The following ZNF718 variants were observed in gnomAD, a reference collection of about 807,000 sequenced individuals.
The protein encoded by ZNF718 is zinc finger protein 718.
In ZNF718, 3 loss-of-function variants were observed where a neutral mutation model predicts 2.6. That is an observed-to-expected ratio of 1.16 (90% CI 0.53 to 3.01). ZNF718 has a LOEUF of 3.01. Ranked by LOEUF, ZNF718 falls within the 30% of genes most tolerant of loss-of-function variation. The pLI, the probability that ZNF718 is intolerant of heterozygous loss-of-function variation, is 0.03. For missense variants in ZNF718, 468 were observed against 230.0 expected (o/e 2.03, Z -6.69); for synonymous variants, 135 against 77.9 (o/e 1.73, Z -3.86).
At chr4:127,321 C>T (rs1715264108) in intron 1 of ZNF718, among the ~76,000 whole-genome samples, 1 of 104,514 alleles carries the variant, frequency 9.6e-6, no homozygotes, top group African/African-American at 3.3e-5. Context: ...TTGGGATCTA[C>T]AGTCCCTTCT....
intron 3 of ZNF718, among the ~76,000 whole-genome samples, chr4:181,854 C>T (rs1717471682): frequency 6.6e-6 from 1 of 152,034 alleles, no homozygotes; most frequent in South Asian, 2.1e-4. Flanking sequence ...GTGTGTTTTT[C>T]CCCCCATGTG....
chr4:125,904 TCTCAACC>T (rs1265874113), intron 1 of ZNF718, among the ~76,000 whole-genome samples: 1 of 152,212 alleles, frequency 6.6e-6, no homozygotes, highest in African/African-American at 2.4e-5. Context: ...TCCTGGCTCA[TCTCAACC>T]CCAGATCTGT....
chr4:198,316 A>G (rs1192914133), intron 3 of ZNF718, among the ~76,000 whole-genome samples: 1 of 152,198 alleles, frequency 6.6e-6, no homozygotes, highest in Non-Finnish European at 1.5e-5. Context: ...ACACCCAGAC[A>G]GGCTCACAGG....
At chr4:153,558 G>GTTTTTCATTTC (rs1194651202) in intron 3 of ZNF718, among the ~76,000 whole-genome samples, 6 of 52,878 alleles carry the variant, frequency 1.1e-4, no homozygotes, top group African/African-American at 3.1e-4. Flanking sequence ...AAATCTTTCA[G>GTTTTTCATTTC]TTTTTCATAT....
intron 3 of ZNF718, among the ~76,000 whole-genome samples, chr4:145,994 A>C (rs1553811205): frequency 6.6e-6 from 1 of 151,676 alleles, no homozygotes; most frequent in African/African-American, 2.4e-5. Flanking sequence ...AATATACTGA[A>C]GCTATATGTG....
At chr4:140,694 TTC>T (rs1715774832) in intron 3 of ZNF718, among the ~76,000 whole-genome samples, 1 of 152,170 alleles carries the variant, frequency 6.6e-6, no homozygotes, top group South Asian at 2.1e-4. Context: ...ATGGCTAAGG[TTC>T]CAAGCTATTG....
intron 3 of ZNF718, among the ~76,000 whole-genome samples, chr4:176,725 C>A (rs1446396777): frequency 6.6e-6 from 1 of 152,164 alleles, no homozygotes; most frequent in East Asian, 1.9e-4. Flanking sequence ...GGTTTCAAGT[C>A]TTTTATTCCT....
At chr4:134,892 C>T (rs1353037322) in intron 3 of ZNF718, among the ~76,000 whole-genome samples, 1 of 151,968 alleles carries the variant, frequency 6.6e-6, no homozygotes, top group Non-Finnish European at 1.5e-5. Context: ...TTAAGATGAA[C>T]CTGGGCAACA....
At chr4:153,911 A>G (rs928375654) in intron 3 of ZNF718, among the ~76,000 whole-genome samples, 19 of 152,206 alleles carry the variant, frequency 1.2e-4, no homozygotes, top group African/African-American at 4.1e-4. Flanking sequence ...GTGTATGACA[A>G]TATTCAACTG....
chr4:186,398 C>T (rs113383603), intron 3 of ZNF718, among the ~76,000 whole-genome samples: 3,552 of 152,172 alleles, frequency 0.023, 70 homozygotes, highest in African/African-American at 0.06. Flanking sequence ...TGACCATTCT[C>T]TCTGGCTGCC....
chr4:141,146 A>G (rs1715793943), intron 3 of ZNF718, among the ~76,000 whole-genome samples: 2 of 151,596 alleles, frequency 1.3e-5, no homozygotes, highest in South Asian at 4.2e-4. Context: ...GTAATTCTGT[A>G]TACCAAATGT....
downstream of ZNF718, among the ~76,000 whole-genome samples, chr4:168,680 T>C (rs1553817400): frequency 6.6e-6 from 1 of 152,210 alleles, no homozygotes; most frequent in Non-Finnish European, 1.5e-5. Context: ...TTTGTATTTC[T>C]GTGGGATCGG....
chr4:174,396 A>G (rs1156452636), intron 3 of ZNF718, among the ~76,000 whole-genome samples: 7 of 152,338 alleles, frequency 4.6e-5, no homozygotes, highest in African/African-American at 1.7e-4. Flanking sequence ...GAAAGATTGT[A>G]TAAATTGGGA....
Position 133,194 on chromosome 4 carries a change from AAATATAT to A in ZNF718, c.226+1691_226+1697del, listed in dbSNP as rs1426825369. On this transcript the variant is annotated intron_variant, in intron 3 of 3. Coordinates refer to ENST00000510175, the MANE Select transcript of ZNF718 (RefSeq NM_001039127.6). The stretch of plus-strand genomic sequence containing the variant: ...CTCCATCTTAAAAAAAAAAAAAAAA[AAATATAT>A]ATATATATATATATATATATATATA... Among the ~76,000 whole-genome samples the A allele has an allele frequency of 5.2e-3, 106 of 20,490 alleles. 2 individuals are homozygous for A. Among genetic ancestry groups the A allele is most frequent in the Middle Eastern group, 0.059 (2 of 34 alleles). 13.4% of individuals were successfully genotyped at this position (20,490 alleles called of 152,430 possible).
At chr4:196,165 A>G (rs1348677541) in intron 3 of ZNF718, among the ~76,000 whole-genome samples, 2 of 152,194 alleles carry the variant, frequency 1.3e-5, no homozygotes, top group Non-Finnish European at 2.9e-5. Context: ...CTGGCCAAGG[A>G]GCCAAGGCTT....
intron 3 of ZNF718, among the ~76,000 whole-genome samples, chr4:133,884 A>G (rs1715439253): frequency 6.6e-6 from 1 of 152,262 alleles, no homozygotes; most frequent in Non-Finnish European, 1.5e-5. Flanking sequence ...TAGTGAACAC[A>G]TCTATTACCT....
chr4:188,824 C>G (rs1026175325), intron 3 of ZNF718, among the ~76,000 whole-genome samples: 2 of 152,156 alleles, frequency 1.3e-5, no homozygotes, highest in Non-Finnish European at 2.9e-5. Context: ...TTTGTTGGCT[C>G]TGTGTCACTC....
chr4:190,796 T>C (rs1553821063), intron 3 of ZNF718, among the ~76,000 whole-genome samples: 1 of 152,058 alleles, frequency 6.6e-6, no homozygotes, highest in African/African-American at 2.4e-5. Flanking sequence ...ATCCCAGCAC[T>C]TGGGGAGGCT....
chr4:200,432 C>G (rs1352132044), intron 3 of ZNF718, among the ~76,000 whole-genome samples: 2 of 152,120 alleles, frequency 1.3e-5, no homozygotes, highest in Non-Finnish European at 2.9e-5. Context: ...CCATGTCCAG[C>G]TAATTTTTGT....
Sources: gnomAD v4.1 joint callset for allele counts (sites outside exome capture counted in the v4.1 genomes callset) on GRCh38, gnomAD v4.1.1 for gene constraint, MANE v1.5 for transcripts, NCBI Gene and HGNC (gene_info 2026-07-23, HGNC 2026-07-21) for gene names.